The following PTPRD variants were observed in gnomAD, a reference collection of about 807,000 sequenced individuals.
PTPRD encodes the protein receptor-type tyrosine-protein phosphatase delta.
PTPRD carries 34 observed loss-of-function variants against 214.5 expected under a neutral mutation model. That is an observed-to-expected ratio of 0.16 (90% CI 0.12 to 0.21). The LOEUF (loss-of-function observed/expected upper bound fraction) is 0.21. PTPRD is among the 10% of genes least tolerant of loss of function. PTPRD has a pLI of 1.00. For missense variants in PTPRD, 2,545 were observed against 2,398.7 expected, an observed-to-expected ratio of 1.06 and a Z score of -1.27; for synonymous variants, 1,128 against 845.7, an observed-to-expected ratio of 1.33 and a Z score of -5.79.
intron 8 of PTPRD, among the ~76,000 whole-genome samples, chr9:9,549,738 A>T (rs919746359): frequency 6.6e-6 from 1 of 152,112 alleles, no homozygotes; most frequent in African/African-American, 2.4e-5. Flanking sequence ...ACATACATAG[A>T]CCAAACAATG....
At chr9:10,119,639 G>A (rs2382107) in intron 3 of PTPRD, among the ~76,000 whole-genome samples, 17,651 of 151,888 alleles carry the variant, frequency 0.12, 1,137 homozygotes, top group South Asian at 0.27. Flanking sequence ...GATAAAGCTG[G>A]TTGTGATAAT....
intron 3 of PTPRD, among the ~76,000 whole-genome samples, chr9:10,291,026 C>T (rs1781827435): frequency 6.7e-6 from 1 of 149,576 alleles, no homozygotes; most frequent in Admixed American, 6.7e-5. Flanking sequence ...AGAGAATCTA[C>T]ACTTTTTTTT....
intron 5 of PTPRD, among the ~76,000 whole-genome samples, chr9:9,924,913 C>G (rs1435734936): frequency 2.0e-5 from 3 of 152,084 alleles, no homozygotes; most frequent in Admixed American, 1.3e-4. Context: ...CAACTCCTAG[C>G]TAGAGTGCAT....
At chr9:9,502,454 A>G (rs972063026) in intron 8 of PTPRD, among the ~76,000 whole-genome samples, 5 of 151,888 alleles carry the variant, frequency 3.3e-5, no homozygotes, top group African/African-American at 1.2e-4. Flanking sequence ...TTCTGTTTTA[A>G]GGCTGAATAA....
intron 3 of PTPRD, among the ~76,000 whole-genome samples, chr9:10,261,103 A>AGT (rs1166906140): frequency 6.6e-4 from 98 of 148,694 alleles, no homozygotes; most frequent in African/African-American, 2.3e-3. Context: ...ATATAGAGAG[A>AGT]GAGTCACTTT....
chr9:9,966,201 G>T (rs1436432939), intron 4 of PTPRD, among the ~76,000 whole-genome samples: 1 of 152,052 alleles, frequency 6.6e-6, no homozygotes, highest in Non-Finnish European at 1.5e-5. Flanking sequence ...AAAGACCTAA[G>T]GCTATTTTTC....
At chr9:9,557,850 G>A (rs770109356) in intron 8 of PTPRD, among the ~76,000 whole-genome samples, 14 of 152,300 alleles carry the variant, frequency 9.2e-5, no homozygotes, top group Admixed American at 3.9e-4. Flanking sequence ...TGGGCAGAAA[G>A]AACACTCAGG....
At chr9:10,077,586 T>A (rs1222131184) in intron 3 of PTPRD, among the ~76,000 whole-genome samples, 3 of 152,148 alleles carry the variant, frequency 2.0e-5, no homozygotes, top group Non-Finnish European at 4.4e-5. Context: ...CAGATTATTT[T>A]GCTATCCAGG....
At chr9:10,129,982 G>T (rs1422294292) in intron 3 of PTPRD, among the ~76,000 whole-genome samples, 2 of 151,820 alleles carry the variant, frequency 1.3e-5, no homozygotes, top group African/African-American at 4.8e-5. Context: ...TTATGCTGTA[G>T]TCACTTGCAA....
intron 11 of PTPRD, among the ~76,000 whole-genome samples, chr9:8,742,391 G>C (rs1034981778): frequency 2.6e-5 from 4 of 151,952 alleles, no homozygotes; most frequent in African/African-American, 9.7e-5. Flanking sequence ...ATCTGTCTTG[G>C]CATTTTTCAA....
chr9:9,063,847 G>T (rs2099715162), intron 10 of PTPRD, among the ~76,000 whole-genome samples: 1 of 152,142 alleles, frequency 6.6e-6, no homozygotes, highest in Admixed American at 6.5e-5. Context: ...AATCACTTTT[G>T]CCAGGTCATT....
At chr9:10,549,228 C>A (rs2060786315) in intron 2 of PTPRD, among the ~76,000 whole-genome samples, 1 of 152,088 alleles carries the variant, frequency 6.6e-6, no homozygotes, top group Admixed American at 6.6e-5. Flanking sequence ...GTAAGTACTG[C>A]TTTTAAAAGT....
intron 2 of PTPRD, among the ~76,000 whole-genome samples, chr9:10,564,305 G>C (rs1189472970): frequency 6.7e-6 from 1 of 149,282 alleles, no homozygotes; most frequent in Non-Finnish European, 1.5e-5. Context: ...ACGAGCTGCT[G>C]AGTCCAGCCT....
At chr9:8,328,681 T>C (rs1163295097) in intron 44 of PTPRD, among the ~76,000 whole-genome samples, 1 of 152,052 alleles carries the variant, frequency 6.6e-6, no homozygotes, top group South Asian at 2.1e-4. Flanking sequence ...AAAGTAAATT[T>C]GGTGTTTTCA....
intron 7 of PTPRD, among the ~76,000 whole-genome samples, chr9:9,663,351 A>C (rs1415970778): frequency 6.6e-6 from 1 of 150,814 alleles, no homozygotes; most frequent in African/African-American, 2.5e-5. Context: ...ATATCAATAA[A>C]CTTAATTTCA....
At chr9:9,829,502 T>C (rs2246286) in intron 5 of PTPRD, among the ~76,000 whole-genome samples, 7,223 of 151,874 alleles carry the variant, frequency 0.048, 207 homozygotes, top group African/African-American at 0.09. Flanking sequence ...AGAGAAAAAT[T>C]CCTAAAATAA....
intron 11 of PTPRD, among the ~76,000 whole-genome samples, chr9:8,755,610 C>T (rs2093934705): frequency 6.6e-6 from 1 of 151,398 alleles, no homozygotes; most frequent in African/African-American, 2.4e-5. Context: ...TAAATTGTGG[C>T]ATATTCATAA....
intron 5 of PTPRD, among the ~76,000 whole-genome samples, chr9:9,807,788 C>G (rs1373379752): frequency 6.6e-6 from 1 of 152,112 alleles, no homozygotes; most frequent in East Asian, 1.9e-4. Flanking sequence ...ACTCATGATG[C>G]TAACATCATT....
chr9:10,130,051 T>G (rs1443117610), intron 3 of PTPRD, among the ~76,000 whole-genome samples: 1 of 152,030 alleles, frequency 6.6e-6, no homozygotes, highest in Non-Finnish European at 1.5e-5. Context: ...TTTGATTTGT[T>G]TTTTTGATTT....
Sources: gnomAD v4.1 joint callset for allele counts (sites outside exome capture counted in the v4.1 genomes callset) on GRCh38, gnomAD v4.1.1 for gene constraint, MANE v1.5 for transcripts, NCBI Gene and HGNC (gene_info 2026-07-23, HGNC 2026-07-21) for gene names.